ATL1: variants seen among roughly 807,000 people sequenced by gnomAD.
ATL1 encodes atlastin-1.
Under a neutral mutation model 75.5 loss-of-function variants are expected in ATL1, and 31 were observed. The ratio of observed to expected loss-of-function variants is 0.41; its 90% confidence interval spans 0.31 to 0.55. The LOEUF (loss-of-function observed/expected upper bound fraction) is 0.55, where lower values mean the gene tolerates loss of function less well. ATL1 is among the 20% of genes least tolerant of loss of function. ATL1 has a pLI of 0.27. For synonymous variants in ATL1, 226 were observed against 233.3 expected, an observed-to-expected ratio of 0.97 and a Z score of 0.28; for missense variants, 405 against 662.6, an observed-to-expected ratio of 0.61 and a Z score of 4.27.
intron 6 of ATL1, among the ~76,000 whole-genome samples, chr14:50,600,437 C>T (rs919514973): frequency 2.0e-5 from 3 of 151,994 alleles, no homozygotes; most frequent in African/African-American, 4.8e-5. Flanking sequence ...AATTGAAATG[C>T]GAAGCTCATT....
intron 4 of ATL1, among the ~76,000 whole-genome samples, chr14:50,592,722 T>C (rs2039170998): frequency 1.3e-5 from 2 of 151,304 alleles, no homozygotes; most frequent in Non-Finnish European, 1.5e-5. Flanking sequence ...CCATCCTGGC[T>C]AACACGGTGA....
intron 12 of ATL1, chr14:50,628,713 C>CT (rs977551749): frequency 1.6e-5 from 9 of 549,006 alleles, no homozygotes; most frequent in East Asian, 4.0e-5. Flanking sequence ...AGTATATATA[C>CT]TTTTTTTTCT....
intron 1 of ATL1, among the ~76,000 whole-genome samples, chr14:50,569,839 T>A (rs1179757891): frequency 6.6e-6 from 1 of 152,214 alleles, no homozygotes; most frequent in African/African-American, 2.4e-5. Context: ...TTGACAGGTT[T>A]TTTTTCTTTC....
chr14:50,617,646 A>T (rs1270301690), intron 8 of ATL1, among the ~76,000 whole-genome samples: 1 of 152,196 alleles, frequency 6.6e-6, no homozygotes, highest in African/African-American at 2.4e-5. Flanking sequence ...TCAGGTAACC[A>T]CCACTTTGAC....
chr14:50,554,845 G>A (rs541064080), intron 1 of ATL1, among the ~76,000 whole-genome samples: 1 of 152,184 alleles, frequency 6.6e-6, no homozygotes, highest in East Asian at 1.9e-4. Context: ...TCAGTCTCTT[G>A]GTTCCCTCCC....
upstream of ATL1, among the ~76,000 whole-genome samples, chr14:50,556,304 C>T (rs1046832105): frequency 6.6e-6 from 1 of 152,158 alleles, no homozygotes; most frequent in Admixed American, 6.5e-5. Context: ...AATCCTTGAA[C>T]TCCTGGGCTC....
chr14:50,594,867 C>T (rs1258938063), intron 5 of ATL1, among the ~76,000 whole-genome samples: 6 of 151,760 alleles, frequency 4.0e-5, no homozygotes, highest in Non-Finnish European at 5.9e-5. Context: ...GGCGTGGTGG[C>T]GCATGCCTGT....
At chr14:50,574,570 T>C (rs1312801088) in intron 1 of ATL1, among the ~76,000 whole-genome samples, 2 of 152,214 alleles carry the variant, frequency 1.3e-5, no homozygotes, top group African/African-American at 4.8e-5. Flanking sequence ...AAAACAACTG[T>C]GTCTAAAACT....
At chr14:50,548,649 A>G (rs193114204) in intron 1 of ATL1, among the ~76,000 whole-genome samples, 2,251 of 152,234 alleles carry the variant, frequency 0.015, 45 homozygotes, top group African/African-American at 0.051. Flanking sequence ...AGCTGGGACT[A>G]CAGGCACACA....
intron 2 of ATL1, among the ~76,000 whole-genome samples, chr14:50,590,557 C>T (rs1034226588): frequency 6.6e-6 from 1 of 152,142 alleles, no homozygotes; most frequent in Non-Finnish European, 1.5e-5. Flanking sequence ...CTCAAACATC[C>T]TATGTGGTCT....
intron 1 of ATL1, among the ~76,000 whole-genome samples, chr14:50,553,927 A>G (rs1007662288): frequency 6.6e-6 from 1 of 152,186 alleles, no homozygotes. Flanking sequence ...TAAGAATGAT[A>G]TAATGGACTT....
chr14:50,580,758 T>G (rs80092172), intron 1 of ATL1, among the ~76,000 whole-genome samples: 2,271 of 152,250 alleles, frequency 0.015, 47 homozygotes, highest in African/African-American at 0.051. Flanking sequence ...TTTCTGTTTC[T>G]TAGAAGTTTG....
At chr14:50,578,602 TTTTTTC>T (rs1215081237) in intron 1 of ATL1, among the ~76,000 whole-genome samples, 1 of 152,212 alleles carries the variant, frequency 6.6e-6, no homozygotes, top group Non-Finnish European at 1.5e-5. Context: ...CCACACACTT[TTTTTTC>T]AGAGTTATAC....
chr14:50,586,303 TCA>T, intron 1 of ATL1, among the ~76,000 whole-genome samples: 1 of 152,344 alleles, frequency 6.6e-6, no homozygotes, highest in East Asian at 1.9e-4. Context: ...CATTTATTTC[TCA>T]CAGTTCTGGC....
intron 11 of ATL1, among the ~76,000 whole-genome samples, chr14:50,625,085 G>GA (rs34504915): frequency 0.72 from 108,916 of 151,354 alleles, 39,459 homozygotes; most frequent in East Asian, 0.82. Flanking sequence ...AAAAAAAAAA[G>GA]AAAAAAAGTG....
chr14:50,586,075 T>C (rs1268469475), intron 1 of ATL1, among the ~76,000 whole-genome samples: 1 of 152,232 alleles, frequency 6.6e-6, no homozygotes, highest in Non-Finnish European at 1.5e-5. Context: ...TGAAGACTTA[T>C]TTAAAATTAT....
intron 8 of ATL1, among the ~76,000 whole-genome samples, chr14:50,615,553 A>C (rs10144512): frequency 0.5 from 75,686 of 151,978 alleles, 19,870 homozygotes; most frequent in East Asian, 0.74. Flanking sequence ...CTCAATCATT[A>C]ATCAGCATGG....
At chr14:50,580,595 C>A (rs1276413044) in intron 1 of ATL1, among the ~76,000 whole-genome samples, 1 of 151,980 alleles carries the variant, frequency 6.6e-6, no homozygotes, top group African/African-American at 2.4e-5. Flanking sequence ...AAATTTATGT[C>A]TGGATTTTAT....
chr14:50,612,137 G>A (rs1304119537), intron 6 of ATL1, among the ~76,000 whole-genome samples: 1 of 152,124 alleles, frequency 6.6e-6, no homozygotes, highest in Non-Finnish European at 1.5e-5. Flanking sequence ...AGTGACAGAA[G>A]CTAGACCAAA....
Sources: allele counts gnomAD v4.1 joint callset (sites outside exome capture counted in the v4.1 genomes callset), GRCh38; gene constraint gnomAD v4.1.1; transcripts MANE v1.5; gene names NCBI Gene and HGNC (gene_info 2026-07-23, HGNC 2026-07-21).